Variants in TMEM245 observed in about 807,000 individuals in gnomAD.
The protein encoded by TMEM245 is transmembrane protein 245.
In TMEM245, 69 loss-of-function variants were observed where a neutral mutation model predicts 101.2. The ratio of observed to expected loss-of-function variants is 0.68; its 90% CI spans 0.56 to 0.83. The LOEUF (loss-of-function observed/expected upper bound fraction) is 0.83, where lower values mean the gene tolerates loss of function less well. Ranked by LOEUF, TMEM245 falls within the 40% of genes least tolerant of loss-of-function variation. The probability of loss-of-function intolerance (pLI) is 0.00; values close to 1 mark genes in which losing one functional copy is unlikely to be tolerated. For missense variants in TMEM245, 1,075 were observed against 1,092.8 expected (o/e 0.98, Z 0.23); for synonymous variants, 537 against 449.8 (o/e 1.19, Z -2.45).
chr9:109,070,611 T>G (rs532856966), intron 9 of TMEM245, among the ~76,000 whole-genome samples: 2 of 152,220 alleles, frequency 1.3e-5, no homozygotes, highest in South Asian at 4.2e-4. Flanking sequence ...TTCAATCTTT[T>G]CTCCACAAAG....
At chr9:109,119,235 G>T in intron 1 of TMEM245, 100 bp downstream of exon 1, 1 of 1,118,680 alleles carries the variant, frequency 8.9e-7, no homozygotes, top group Non-Finnish European at 1.2e-6. Flanking sequence ...CACAGGTGTG[G>T]CCCCTCGTCG....
At position 109,090,979 on chromosome 9, in the gene TMEM245, C is replaced by G. The variant is rs191792154; in HGVS notation, c.1093G>C (p.Val365Leu). ...CACAGGTTCAACCAGATCTGCATGACGACAATGGCCCAAACTAGAGACACA... is the reference window on the plus strand; with the variant it reads ...CACAGGTTCAACCAGATCTGCATGAGGACAATGGCCCAAACTAGAGACACA... ...YFVSLVWAIV[V>L]MQIWLNLWIV... Residue 365 changes from valine (V) to leucine (L), a missense_variant, in exon 5 of 18, where the codon GTC becomes CTC. By Grantham distance (32) the Val-to-Leu change is conservative (BLOSUM62 1). Transcript: ENST00000374586. The G allele has an allele frequency of 3.1e-6, 5 of 1,613,962 alleles. No homozygotes were observed. The Admixed American group carries it at 6.7e-5, about 22-fold the overall frequency.
chr9:109,028,674 C>A (rs578223660), intron 17 of TMEM245, among the ~76,000 whole-genome samples: 1 of 151,854 alleles, frequency 6.6e-6, no homozygotes, highest in Non-Finnish European at 1.5e-5. Context: ...TCTAATCAGG[C>A]GAGCTCTTCT....
chr9:109,048,038 T>C (rs1253447527), intron 14 of TMEM245, among the ~76,000 whole-genome samples: 5 of 152,252 alleles, frequency 3.3e-5, no homozygotes, highest in East Asian at 1.9e-4. Context: ...AATGGTCATA[T>C]AGGACTTAGG....
chr9:109,061,087 G>A (rs117260386), intron 10 of TMEM245, among the ~76,000 whole-genome samples: 8 of 152,214 alleles, frequency 5.3e-5, no homozygotes, highest in Non-Finnish European at 1.0e-4. Flanking sequence ...AGGCTGAGGT[G>A]GGCAGATCGC....
chr9:109,088,414 T>C (rs1164076159), intron 5 of TMEM245, among the ~76,000 whole-genome samples: 1 of 152,112 alleles, frequency 6.6e-6, no homozygotes, highest in Non-Finnish European at 1.5e-5. Flanking sequence ...CTATGATGAC[T>C]AGAAGGTTAA....
In TMEM245 at chr9:109,020,489, A is replaced by G; in HGVS notation, c.2611T>C (p.Ser871Pro). The G allele has an allele frequency of 6.2e-7, 1 of 1,614,162 alleles. No individual in the cohort carries two copies. Among genetic ancestry groups the G allele is most frequent in the Non-Finnish European group, 8.5e-7 (1 of 1,179,986 alleles). ...CCTACTGAAGATTTCAGATCTTCAGAAATGTCACGGAAAGTCCTAAAAGAA... is the reference window on the plus strand; with the variant it reads ...CCTACTGAAGATTTCAGATCTTCAGGAATGTCACGGAAAGTCCTAAAAGAA... ...AQPQRTFRDI[S>P]EDLKSSVG The change falls in exon 18 of 18, where the codon TCT (serine) becomes CCT (proline). Residue 871 changes from serine (S) to proline (P), a missense_variant. Transcript: ENST00000374586.
intron 15 of TMEM245, among the ~76,000 whole-genome samples, chr9:109,037,059 G>C (rs1248692247): frequency 3.3e-5 from 5 of 152,172 alleles, no homozygotes; most frequent in Non-Finnish European, 7.3e-5. Flanking sequence ...ACTTGACAAT[G>C]TAGAAGGAAG....
At chr9:109,042,957 C>T (rs764325472) in intron 14 of TMEM245, among the ~76,000 whole-genome samples, 3 of 151,366 alleles carry the variant, frequency 2.0e-5, no homozygotes, top group African/African-American at 2.4e-5. Flanking sequence ...GTGATCCTCC[C>T]GCCTCAGCCT....
intron 14 of TMEM245, among the ~76,000 whole-genome samples, chr9:109,040,448 G>C (rs973988269): frequency 6.6e-6 from 1 of 152,086 alleles, no homozygotes; most frequent in Admixed American, 6.6e-5. Context: ...TCAAGATGTA[G>C]AATATTTCCA....
intron 1 of TMEM245, among the ~76,000 whole-genome samples, chr9:109,118,202 C>G (rs896616034): frequency 6.6e-6 from 1 of 152,198 alleles, no homozygotes; most frequent in African/African-American, 2.4e-5. Context: ...CAACTTTAAA[C>G]ATGAACCAAG....
intron 12 of TMEM245, among the ~76,000 whole-genome samples, chr9:109,054,579 G>A (rs181938081): frequency 2.6e-5 from 4 of 152,198 alleles, no homozygotes; most frequent in Admixed American, 2.0e-4. Context: ...TTTCATGAAC[G>A]AGACTGGCCC....
Position 109,020,414 on chromosome 9 carries a change from T to G in TMEM245, c.*46A>C, listed in dbSNP as rs1489366859. 6 of 1,591,610 alleles carry G rather than the reference T, an allele frequency of 3.8e-6. No individual in the cohort carries two copies. Among genetic ancestry groups the G allele is most frequent in the Non-Finnish European group, 4.3e-6 (5 of 1,159,518 alleles). On this transcript the variant is annotated 3_prime_UTR_variant, in exon 18 of 18. Transcript: ENST00000374586. ...AGGGCCACAGCTGAGCTGAACTCGCTGTCAAATTTGAACTTCCTAGAAAAA... is the reference window on the plus strand; with the variant it reads ...AGGGCCACAGCTGAGCTGAACTCGCGGTCAAATTTGAACTTCCTAGAAAAA...
chr9:109,059,601 G>A (rs915359817), intron 11 of TMEM245, among the ~76,000 whole-genome samples: 15 of 152,064 alleles, frequency 9.9e-5, no homozygotes, highest in Non-Finnish European at 1.6e-4. Context: ...AGGATCACTC[G>A]AGCCCAAGAG....
chr9:109,100,704 G>A (rs1386147457), intron 3 of TMEM245, among the ~76,000 whole-genome samples: 7 of 152,126 alleles, frequency 4.6e-5, no homozygotes. Flanking sequence ...GTGACTGCAG[G>A]CTAGTCAGTT....
Position 109,080,900 on chromosome 9 carries a change from A to C in TMEM245, c.1388T>G (p.Ile463Ser). ...TATCACTAACAAAAATATGATGAAAATGCTAATTATTTTATCTAACATCTT... is the reference window on the plus strand; with the variant it reads ...TATCACTAACAAAAATATGATGAAACTGCTAATTATTTTATCTAACATCTT... ...LEKMLDKIIS[I>S]FIIFLLVIGT... Residue 463 changes from isoleucine (I) to serine (S), a missense_variant, in exon 8 of 18, where the codon ATT (isoleucine) becomes AGT (serine). Transcript: ENST00000374586. 1 of 1,610,734 alleles carries C rather than the reference A, an allele frequency of 6.2e-7. No individual in the cohort carries two copies. Among genetic ancestry groups the C allele is most frequent in the Non-Finnish European group, 8.5e-7 (1 of 1,177,652 alleles).
chr9:109,021,812 A>C lies in TMEM245; in HGVS notation c.2595-1307T>G, dbSNP rs1053807768. On this transcript the variant is annotated intron_variant, in intron 17 of 17. Coordinates refer to ENST00000374586, the MANE Select transcript of TMEM245 (RefSeq NM_032012.4). ...AATGAGACCCTGCACCACCACCACC[A>C]CCCCCCCAAAAAAAGCAAGGAAGGG... is the stretch of plus-strand genomic sequence containing the variant. 7.9e-5 allele frequency among the ~76,000 whole-genome samples: 12 copies of C among 151,296 alleles called. No homozygotes were observed. In the South Asian group the frequency reaches 1.5e-3, roughly 19 times the overall value.
intron 3 of TMEM245, among the ~76,000 whole-genome samples, chr9:109,103,460 C>T (rs1283112925): frequency 6.6e-6 from 1 of 152,050 alleles, no homozygotes; most frequent in Non-Finnish European, 1.5e-5. Context: ...TTCACAATAG[C>T]CAAAATTTGG....
chr9:109,099,624 A>G (rs1830231992), intron 3 of TMEM245, among the ~76,000 whole-genome samples: 1 of 152,108 alleles, frequency 6.6e-6, no homozygotes, highest in Non-Finnish European at 1.5e-5. Context: ...CACCAATCTC[A>G]CTAGACTGCT....
Sources: allele counts gnomAD v4.1 joint callset (sites outside exome capture counted in the v4.1 genomes callset), GRCh38; gene constraint gnomAD v4.1.1; transcripts MANE v1.5; gene names NCBI Gene and HGNC (gene_info 2026-07-23, HGNC 2026-07-21).